ADGRL3: variants seen among roughly 807,000 people sequenced by gnomAD.
ADGRL3 encodes adhesion G protein-coupled receptor L3.
ADGRL3 carries 62 observed loss-of-function variants against 153.5 expected under a neutral mutation model. The ratio of observed to expected loss-of-function variants is 0.40; its 90% confidence interval spans 0.33 to 0.50. ADGRL3 has a LOEUF of 0.50. Ranked by LOEUF, ADGRL3 falls within the 20% of genes least tolerant of loss-of-function variation. The probability of loss-of-function intolerance (pLI) is 0.47; values close to 1 mark genes in which losing one functional copy is unlikely to be tolerated. For missense variants in ADGRL3, 1,641 were observed against 1,859.4 expected (o/e 0.88, Z 2.16); for synonymous variants, 710 against 672.5 (o/e 1.06, Z -0.86).
chr4:61,232,553 C>A (rs1751146138), intron 1 of ADGRL3, among the ~76,000 whole-genome samples: 1 of 152,110 alleles, frequency 6.6e-6, no homozygotes, highest in Admixed American at 6.5e-5. Context: ...AAGCGATCCA[C>A]CTTCCTTGGC....
intron 11 of ADGRL3, among the ~76,000 whole-genome samples, chr4:61,899,341 G>A (rs570676917): frequency 5.0e-4 from 76 of 151,204 alleles, no homozygotes; most frequent in African/African-American, 1.8e-3. Flanking sequence ...TTCCATTTCT[G>A]CAACTGATTT....
chr4:62,000,948 AT>A (rs1218658068), intron 21 of ADGRL3, among the ~76,000 whole-genome samples: 1 of 151,514 alleles, frequency 6.6e-6, no homozygotes, highest in Non-Finnish European at 1.5e-5. Context: ...CACCTGGCTA[AT>A]TTTTTTGTGT....
chr4:61,960,270 G>A (rs114582292), intron 17 of ADGRL3, among the ~76,000 whole-genome samples: 1 of 152,074 alleles, frequency 6.6e-6, no homozygotes, highest in Non-Finnish European at 1.5e-5. Flanking sequence ...TCAGTATTAG[G>A]AGCAGAGTCC....
At chr4:61,869,996 G>A (rs1198916187) in intron 9 of ADGRL3, among the ~76,000 whole-genome samples, 4 of 123,596 alleles carry the variant, frequency 3.2e-5, no homozygotes, top group African/African-American at 3.0e-5. Context: ...GAGAGGGAGA[G>A]AGAGAGAGAG....
At chr4:61,399,748 C>G (rs935741628) in intron 2 of ADGRL3, among the ~76,000 whole-genome samples, 1 of 151,684 alleles carries the variant, frequency 6.6e-6, no homozygotes, top group African/African-American at 2.4e-5. Flanking sequence ...CCACTGAACT[C>G]TAAATGTTTA....
At chr4:61,277,858 C>T (rs551191860) in intron 1 of ADGRL3, among the ~76,000 whole-genome samples, 1 of 152,006 alleles carries the variant, frequency 6.6e-6, no homozygotes, top group African/African-American at 2.4e-5. Context: ...CATATTAGAC[C>T]TAGCAATGTA....
intron 9 of ADGRL3, among the ~76,000 whole-genome samples, chr4:61,867,540 A>ATATATATATAT (rs201200813): frequency 2.9e-4 from 38 of 132,000 alleles, no homozygotes; most frequent in East Asian, 6.4e-4. Flanking sequence ...ATATATATAT[A>ATATATATATAT]ATTGTAGGAG....
At chr4:61,672,015 C>G (rs948891101) in intron 5 of ADGRL3, among the ~76,000 whole-genome samples, 4 of 152,100 alleles carry the variant, frequency 2.6e-5, no homozygotes, top group African/African-American at 9.7e-5. Flanking sequence ...TGTGTCCTCA[C>G]TTGGTTAATT....
chr4:61,714,507 C>T (rs1193657259), intron 6 of ADGRL3, among the ~76,000 whole-genome samples: 2 of 152,166 alleles, frequency 1.3e-5, no homozygotes, highest in Non-Finnish European at 2.9e-5. Flanking sequence ...CTACCTAATT[C>T]CCATCTCAAA....
chr4:61,401,031 G>A (rs1164525821), intron 2 of ADGRL3, among the ~76,000 whole-genome samples: 1 of 150,398 alleles, frequency 6.6e-6, no homozygotes, highest in Non-Finnish European at 1.5e-5. Context: ...TCTGACTTTA[G>A]GGACCCTGTG....
At chr4:61,443,043 A>T (rs2097543903) in intron 2 of ADGRL3, among the ~76,000 whole-genome samples, 1 of 152,164 alleles carries the variant, frequency 6.6e-6, no homozygotes, top group Non-Finnish European at 1.5e-5. Flanking sequence ...AAGTTATAAG[A>T]CTTAGATACA....
chr4:61,649,463 C>A (rs2094168005), intron 5 of ADGRL3, among the ~76,000 whole-genome samples: 1 of 152,062 alleles, frequency 6.6e-6, no homozygotes, highest in African/African-American at 2.4e-5. Context: ...GTAGGTGGAA[C>A]TTTGCTCTTT....
In ADGRL3 at chr4:61,776,628, C is replaced by T. The variant is rs182552728; in HGVS notation, c.1400-37181C>T. 4.7e-4 allele frequency among the ~76,000 whole-genome samples: 71 copies of T among 151,950 alleles called. 1 individual carries two copies. Among genetic ancestry groups the T allele is most frequent in the African/African-American group, 1.7e-3 (71 of 41,440 alleles). On this transcript the variant is annotated intron_variant, in intron 8 of 26. Transcript: ENST00000683033. ...ACAGATATTATTATATATTATTGCACAAAGTATGGAGTACATAATGAAAAG... is the reference window on the plus strand; with the variant it reads ...ACAGATATTATTATATATTATTGCATAAAGTATGGAGTACATAATGAAAAG...
At chr4:61,361,994 A>G (rs755228997) in intron 1 of ADGRL3, among the ~76,000 whole-genome samples, 9 of 148,908 alleles carry the variant, frequency 6.0e-5, no homozygotes, top group Admixed American at 1.3e-4. Flanking sequence ...AAATATATAT[A>G]TAAATACATA....
chr4:61,600,130 A>G (rs1379295075), intron 5 of ADGRL3, among the ~76,000 whole-genome samples: 3 of 151,960 alleles, frequency 2.0e-5, no homozygotes, highest in Non-Finnish European at 4.4e-5. Context: ...CAACATGATG[A>G]AACCCCTTCT....
chr4:61,674,483 A>G (rs1251185062), intron 5 of ADGRL3, among the ~76,000 whole-genome samples: 1 of 151,772 alleles, frequency 6.6e-6, no homozygotes, highest in Non-Finnish European at 1.5e-5. Context: ...AAAAAGGTTA[A>G]TAATAGGGAA....
intron 17 of ADGRL3, among the ~76,000 whole-genome samples, chr4:61,967,850 A>C (rs867980636): frequency 2.6e-5 from 4 of 152,348 alleles, no homozygotes; most frequent in Middle Eastern, 6.8e-3. Flanking sequence ...AGAATGTCAC[A>C]GACTGGTTAA....
intron 5 of ADGRL3, among the ~76,000 whole-genome samples, chr4:61,639,155 T>C (rs1438211838): frequency 6.6e-6 from 1 of 152,148 alleles, no homozygotes; most frequent in African/African-American, 2.4e-5. Context: ...CAATTCAAAG[T>C]GCCTTTGTAC....
intron 2 of ADGRL3, among the ~76,000 whole-genome samples, chr4:61,434,527 C>G (rs1476167436): frequency 6.6e-6 from 1 of 151,922 alleles, no homozygotes; most frequent in African/African-American, 2.4e-5. Context: ...TGATTTTGAC[C>G]TTTTCTTTCT....
Sources: allele counts gnomAD v4.1 joint callset (sites outside exome capture counted in the v4.1 genomes callset), GRCh38; gene constraint gnomAD v4.1.1; transcripts MANE v1.5; gene names NCBI Gene and HGNC (gene_info 2026-07-23, HGNC 2026-07-21).